KCNQ5: variants seen among roughly 807,000 people sequenced by gnomAD.
The protein encoded by KCNQ5 is potassium voltage-gated channel subfamily KQT member 5.
In KCNQ5, 30 loss-of-function variants were observed where a neutral mutation model predicts 98.2. That is an observed-to-expected ratio of 0.31 (90% CI 0.23 to 0.41). The LOEUF (loss-of-function observed/expected upper bound fraction) is 0.41, where lower values mean the gene tolerates loss of function less well. KCNQ5 is among the 10% of genes least tolerant of loss of function. KCNQ5 has a pLI of 1.00. For missense variants in KCNQ5, 835 were observed against 1,182.5 expected (o/e 0.71, Z 4.31); for synonymous variants, 458 against 449.4 (o/e 1.02, Z -0.24).
chr6:72,973,354 G>T (rs564932877), intron 1 of KCNQ5, among the ~76,000 whole-genome samples: 1 of 151,936 alleles, frequency 6.6e-6, no homozygotes, highest in African/African-American at 2.4e-5. Context: ...GAAAAATATG[G>T]GTCAACAATA....
At chr6:72,955,281 C>T (rs921859820) in intron 1 of KCNQ5, among the ~76,000 whole-genome samples, 20 of 152,248 alleles carry the variant, frequency 1.3e-4, no homozygotes, top group African/African-American at 4.3e-4. Flanking sequence ...AAATTGGATA[C>T]ATAAACATGG....
At chr6:72,964,930 T>C (rs1306151051) in intron 1 of KCNQ5, among the ~76,000 whole-genome samples, 3 of 135,508 alleles carry the variant, frequency 2.2e-5, no homozygotes, top group East Asian at 4.0e-4. Context: ...TTTCACATTT[T>C]CGTGCTTTTT....
chr6:72,980,763 G>C (rs893990855), intron 1 of KCNQ5, among the ~76,000 whole-genome samples: 1 of 152,190 alleles, frequency 6.6e-6, no homozygotes, highest in Non-Finnish European at 1.5e-5. Flanking sequence ...GTTTTCAAAG[G>C]AAATGCTTCC....
chr6:72,712,756 A>G (rs1769432636), intron 1 of KCNQ5, among the ~76,000 whole-genome samples: 1 of 152,158 alleles, frequency 6.6e-6, no homozygotes, highest in African/African-American at 2.4e-5. Context: ...TCCTCCTGTT[A>G]CTTCACTCTG....
At chr6:73,194,049 A>G (rs995187536) in intron 13 of KCNQ5, among the ~76,000 whole-genome samples, 10 of 152,120 alleles carry the variant, frequency 6.6e-5, no homozygotes, top group Admixed American at 6.5e-4. Flanking sequence ...CATGTTGCCC[A>G]GGCTGGTCTC....
intron 1 of KCNQ5, among the ~76,000 whole-genome samples, chr6:72,685,873 T>G (rs1476536722): frequency 6.6e-6 from 1 of 152,216 alleles, no homozygotes; most frequent in Non-Finnish European, 1.5e-5. Context: ...ACAATAGACA[T>G]TTATTTCTCA....
chr6:73,018,963 A>G (rs1770470018), intron 2 of KCNQ5, among the ~76,000 whole-genome samples: 1 of 152,194 alleles, frequency 6.6e-6, no homozygotes, highest in African/African-American at 2.4e-5. Context: ...TTACTTAGAC[A>G]GATCTTCCCA....
intron 1 of KCNQ5, among the ~76,000 whole-genome samples, chr6:72,625,772 A>G (rs1326337915): frequency 6.6e-6 from 1 of 152,242 alleles, no homozygotes; most frequent in African/African-American, 2.4e-5. Flanking sequence ...CCTTCTGGTC[A>G]GGCAAAAGGT....
intron 1 of KCNQ5, among the ~76,000 whole-genome samples, chr6:72,913,500 T>G (rs192377209): frequency 3.3e-4 from 50 of 152,330 alleles, no homozygotes; most frequent in Admixed American, 1.7e-3. Context: ...ATCAGTATTA[T>G]GTATCCTACA....
At chr6:72,807,618 T>G (rs1775019674) in intron 1 of KCNQ5, among the ~76,000 whole-genome samples, 1 of 152,124 alleles carries the variant, frequency 6.6e-6, no homozygotes, top group African/African-American at 2.4e-5. Flanking sequence ...CAAGGGATCC[T>G]TTGCCTCAGC....
intron 3 of KCNQ5, among the ~76,000 whole-genome samples, chr6:73,065,759 C>A (rs1773021693): frequency 6.6e-6 from 1 of 152,176 alleles, no homozygotes; most frequent in Admixed American, 6.5e-5. Flanking sequence ...ATTTTTTTGC[C>A]TGGAACCATT....
chr6:72,739,167 C>T (rs539469907), intron 1 of KCNQ5, among the ~76,000 whole-genome samples: 7 of 152,040 alleles, frequency 4.6e-5, no homozygotes, highest in African/African-American at 1.4e-4. Flanking sequence ...TATATGGGAG[C>T]GCTATACTTT....
chr6:72,803,683 G>A (rs1475203611), intron 1 of KCNQ5, among the ~76,000 whole-genome samples: 1 of 152,104 alleles, frequency 6.6e-6, no homozygotes, highest in Non-Finnish European at 1.5e-5. Context: ...CATCACCCTA[G>A]AAAGTATTAG....
At chr6:72,723,021 T>G (rs1273659058) in intron 1 of KCNQ5, among the ~76,000 whole-genome samples, 5 of 151,962 alleles carry the variant, frequency 3.3e-5, no homozygotes, top group Non-Finnish European at 1.5e-5. Flanking sequence ...AGCTAATTTC[T>G]GTATCTTTTG....
intron 1 of KCNQ5, among the ~76,000 whole-genome samples, chr6:72,655,913 A>G (rs1766168163): frequency 2.0e-5 from 3 of 152,192 alleles, no homozygotes; most frequent in African/African-American, 4.8e-5. Context: ...AGTCTGAACC[A>G]GCATGGAATG....
At chr6:72,650,842 A>T (rs1338384998) in intron 1 of KCNQ5, among the ~76,000 whole-genome samples, 5 of 152,112 alleles carry the variant, frequency 3.3e-5, no homozygotes, top group Admixed American at 3.3e-4. Context: ...CAGGAAAAAC[A>T]GTGTGCATCA....
chr6:72,635,469 T>G (rs2098923491), intron 1 of KCNQ5, among the ~76,000 whole-genome samples: 1 of 152,076 alleles, frequency 6.6e-6, no homozygotes, highest in African/African-American at 2.4e-5. Flanking sequence ...ATAGAACATG[T>G]TTACTCCAAA....
intron 1 of KCNQ5, among the ~76,000 whole-genome samples, chr6:72,891,316 C>A (rs1779048260): frequency 6.6e-6 from 1 of 152,156 alleles, no homozygotes; most frequent in African/African-American, 2.4e-5. Context: ...CAATTCTACA[C>A]TTGAGTATGT....
intron 10 of KCNQ5, among the ~76,000 whole-genome samples, chr6:73,159,592 A>G (rs1172966177): frequency 3.9e-5 from 6 of 152,182 alleles, no homozygotes; most frequent in African/African-American, 1.4e-4. Context: ...AAGTGTACCA[A>G]ATTCATGTCA....
Sources: gnomAD v4.1 joint callset for allele counts (sites outside exome capture counted in the v4.1 genomes callset) on GRCh38, gnomAD v4.1.1 for gene constraint, MANE v1.5 for transcripts, NCBI Gene and HGNC (gene_info 2026-07-23, HGNC 2026-07-21) for gene names.